The following CHAT variants were observed in gnomAD, a reference collection of about 807,000 sequenced individuals.
The protein encoded by CHAT is choline O-acetyltransferase.
CHAT carries 61 observed loss-of-function variants against 76.9 expected under a neutral mutation model. That is an observed-to-expected ratio of 0.79 (90% CI 0.65 to 0.98). The LOEUF is 0.98. Ranked by LOEUF, CHAT falls within the 50% of genes least tolerant of loss-of-function variation. CHAT has a pLI of 0.00. For synonymous variants in CHAT, 407 were observed against 397.4 expected, an observed-to-expected ratio of 1.02 and a Z score of -0.29; for missense variants, 946 against 986.9, an observed-to-expected ratio of 0.96 and a Z score of 0.56.
intron 13 of CHAT, among the ~76,000 whole-genome samples, chr10:49,656,293 T>G (rs1454283329): frequency 2.1e-4 from 2 of 9,612 alleles, no homozygotes; most frequent in Non-Finnish European, 5.9e-4. Flanking sequence ...GTTTTTTTTT[T>G]TTTTTTTTTT....
At position 49,665,090 on chromosome 10, in the gene CHAT, A is replaced by G. The variant is rs1840313736; in HGVS notation, c.*44A>G. ...ACCTCCCAAACCCAGCCTCTAGAAC[A>G]GCCAGACCCTGCAGATCCCCACTCC... On this transcript the variant is annotated 3_prime_UTR_variant, in exon 15 of 15. Transcript: ENST00000337653. 6.2e-7 allele frequency: 1 copy of G among 1,609,568 alleles called. No homozygotes were observed. The highest frequency in any genetic ancestry group is 8.5e-7 in the Non-Finnish European group (1 of 1,177,954).
intron 5 of CHAT, among the ~76,000 whole-genome samples, chr10:49,623,743 T>C (rs946515962): frequency 2.0e-5 from 3 of 152,180 alleles, no homozygotes; most frequent in African/African-American, 7.2e-5. Flanking sequence ...CACCAGCACA[T>C]GCCCTGTTGG....
Position 49,614,582 on chromosome 10 carries a change from T to C in CHAT, c.286+107T>C, listed in dbSNP as rs1838413304. ...CACCGGGGCCGAGAGGCCCCAGGAC[T>C]CGTGGAGTCCTCTGAGTCCTGCGCA... On this transcript the variant is annotated intron_variant, in intron 1 of 14. Coordinates refer to ENST00000337653, the MANE Select transcript of CHAT (RefSeq NM_020549.5). 5.0e-6 allele frequency: 5 copies of C among 993,822 alleles called. No homozygotes were observed. In the Admixed American group the frequency reaches 6.8e-5, roughly 14 times the overall value. 61.6% of individuals were successfully genotyped at this position (993,822 alleles called of 1,614,324 possible). A position where few individuals can be genotyped will look rare whatever the true frequency, so the allele number is the denominator to read the frequency against.
At chr10:49,633,557 G>A (rs1839196593) in intron 7 of CHAT, among the ~76,000 whole-genome samples, 1 of 152,172 alleles carries the variant, frequency 6.6e-6, no homozygotes, top group African/African-American at 2.4e-5. Context: ...GACAGGCTTG[G>A]GGCCTCAGAG....
chr10:49,611,194 G>T (rs774445891), upstream of CHAT: 1 of 1,614,092 alleles, frequency 6.2e-7, no homozygotes, highest in Admixed American at 1.7e-5. Flanking sequence ...CATGAGCTAC[G>T]ACGTGCCGCT....
chr10:49,646,978 G>C, intron 8 of CHAT: 1 of 474,040 alleles, frequency 2.1e-6, no homozygotes, highest in Non-Finnish European at 3.9e-6. Flanking sequence ...CAGACCTGGG[G>C]CCCATTTCCC....
chr10:49,629,344 T>C (rs1385959507), intron 7 of CHAT, among the ~76,000 whole-genome samples: 2 of 152,220 alleles, frequency 1.3e-5, no homozygotes, highest in Non-Finnish European at 2.9e-5. Flanking sequence ...GGGCACCTCC[T>C]GAATGCTGTC....
intron 3 of CHAT, 33 bp downstream of exon 3, chr10:49,619,949 G>A (rs1257925765): frequency 6.3e-7 from 1 of 1,592,792 alleles, no homozygotes; most frequent in African/African-American, 1.3e-5. Flanking sequence ...CCATAGAAGA[G>A]GGGCGGGAGG....
chr10:49,649,559 CG>C lies in CHAT; in HGVS notation c.1435del (p.Ala479ProfsTer17). The C allele has an allele frequency of 6.2e-7, 1 of 1,613,892 alleles. No individual in the cohort carries two copies. Among genetic ancestry groups the C allele is most frequent in the South Asian group, 1.1e-5 (1 of 91,082 alleles). On this transcript the variant is annotated frameshift_variant, in exon 10 of 15. Transcript: ENST00000337653. LOFTEE classifies it high-confidence loss of function. ...IRADSVSELP[A>X]PRRLRWKCSP... ...GAGCAGACTCCGTCAGCGAGCTCCC[CG>C]CCCCCCGGAGGCTGCGGTGGAAATG...
chr10:49,626,198 T>G (rs1215037718), intron 6 of CHAT, among the ~76,000 whole-genome samples: 1 of 152,108 alleles, frequency 6.6e-6, no homozygotes, highest in Non-Finnish European at 1.5e-5. Context: ...GCCAGTGCCC[T>G]AAGGTCATGC....
chr10:49,611,366 A>G, upstream of CHAT: 8 of 1,600,182 alleles, frequency 5.0e-6, no homozygotes, highest in Non-Finnish European at 5.9e-6. Flanking sequence ...GAGGAGCCGG[A>G]GCGCAGTCGT....
At chr10:49,662,525 TG>T in intron 13 of CHAT, 119 bp from the exon 14 acceptor site, 1 of 1,305,114 alleles carries the variant, frequency 7.7e-7, no homozygotes, top group Non-Finnish European at 1.1e-6. Context: ...CAGCAGGCAC[TG>T]GGTAAGCATG....
chr10:49,628,476 A>G (rs1227606325), intron 7 of CHAT, among the ~76,000 whole-genome samples: 2 of 152,208 alleles, frequency 1.3e-5, no homozygotes, highest in Non-Finnish European at 2.9e-5. Flanking sequence ...CAGGCAATCT[A>G]TTCAGACTCT....
At chr10:49,647,742 TC>T (rs1839720524) in intron 8 of CHAT, among the ~76,000 whole-genome samples, 1 of 2,180 alleles carries the variant, frequency 4.6e-4, no homozygotes, top group Non-Finnish European at 0.12. Flanking sequence ...GACACCGCTT[TC>T]CTTCCTTCCT....
At chr10:49,661,918 A>T (rs1181967747) in intron 13 of CHAT, among the ~76,000 whole-genome samples, 2 of 152,350 alleles carry the variant, frequency 1.3e-5, no homozygotes, top group Non-Finnish European at 2.9e-5. Context: ...CTTTGATAAA[A>T]GTTTAAATAT....
chr10:49,653,754 G>A (rs756877409), intron 11 of CHAT, among the ~76,000 whole-genome samples: 3 of 152,248 alleles, frequency 2.0e-5, no homozygotes, highest in Non-Finnish European at 4.4e-5. Flanking sequence ...TACTCAGAGG[G>A]CATGGGGCCG....
chr10:49,641,264 G>T (rs1839472048), intron 7 of CHAT, among the ~76,000 whole-genome samples: 1 of 152,192 alleles, frequency 6.6e-6, no homozygotes, highest in South Asian at 2.1e-4. Context: ...CTTTTCAGGG[G>T]ACACAATTCA....
chr10:49,638,973 C>T (rs1011333865), intron 7 of CHAT, among the ~76,000 whole-genome samples: 7 of 152,172 alleles, frequency 4.6e-5, no homozygotes, highest in African/African-American at 1.4e-4. Flanking sequence ...CAGTGGCTCA[C>T]GCCTGTAATC....
intron 7 of CHAT, among the ~76,000 whole-genome samples, chr10:49,644,292 G>A (rs750083071): frequency 1.3e-5 from 2 of 152,192 alleles, no homozygotes; most frequent in Non-Finnish European, 1.5e-5. Flanking sequence ...CAGGGATCTA[G>A]GGTGGGAAGG....
Sources: gnomAD v4.1 joint callset for allele counts (sites outside exome capture counted in the v4.1 genomes callset) on GRCh38, gnomAD v4.1.1 for gene constraint, MANE v1.5 for transcripts, NCBI Gene and HGNC (gene_info 2026-07-23, HGNC 2026-07-21) for gene names.